Variants in PTK2 observed in about 807,000 individuals in gnomAD.
PTK2 encodes the protein protein tyrosine kinase 2, also known as focal adhesion kinase 1.
Under a neutral mutation model 150.1 loss-of-function variants are expected in PTK2, and 45 were observed. That is an observed-to-expected ratio of 0.30 (90% CI 0.24 to 0.38). The LOEUF is 0.38. Among genes scored for constraint, PTK2 ranks in the 10% least tolerant of loss-of-function variants. The pLI is 1.00. For synonymous variants in PTK2, 432 were observed against 449.2 expected (o/e 0.96, Z 0.48); for missense variants, 919 against 1,307.3 (o/e 0.70, Z 4.58).
Position 140,856,654 on chromosome 8 carries a change from T to C in PTK2, c.450+7658A>G, listed in dbSNP as rs562819870. Among the ~76,000 whole-genome samples the C allele has an allele frequency of 2.0e-5, 3 of 152,294 alleles. No individual in the cohort carries two copies. In the East Asian group the frequency reaches 5.8e-4, roughly 29 times the overall value. ...GCAAGGATTGACTGGGAAGGGTCAG[T>C]GGGAAACTTCCTGGGGTGATGGTCA... On this transcript the variant is annotated intron_variant, in intron 5 of 31. Coordinates refer to ENST00000522684, the Ensembl canonical transcript of PTK2.
intron 1 of PTK2, among the ~76,000 whole-genome samples, chr8:140,944,968 C>T (rs1483535380): frequency 2.6e-5 from 4 of 152,136 alleles, no homozygotes; most frequent in East Asian, 1.9e-4. Flanking sequence ...GCCATATAGA[C>T]GAAAGTTGTG....
intron 4 of PTK2, among the ~76,000 whole-genome samples, chr8:140,878,607 A>C (rs1568032251): frequency 6.6e-6 from 1 of 152,130 alleles, no homozygotes; most frequent in Admixed American, 6.5e-5. Context: ...AAAGAAAAAA[A>C]AAAAATTATT....
At chr8:140,861,733 A>T (rs1352915709) in intron 5 of PTK2, among the ~76,000 whole-genome samples, 2 of 152,212 alleles carry the variant, frequency 1.3e-5, no homozygotes, top group Non-Finnish European at 2.9e-5. Flanking sequence ...AATTAAGCAC[A>T]AAGAGACTCA....
chr8:140,783,062 G>C (rs2100082806), intron 14 of PTK2, among the ~76,000 whole-genome samples: 1 of 151,738 alleles, frequency 6.6e-6, no homozygotes, highest in South Asian at 2.1e-4. Context: ...AACATAGGGA[G>C]ACCCCGTCTC....
chr8:140,773,469 A>G (rs1170696234), intron 14 of PTK2, among the ~76,000 whole-genome samples: 1 of 152,252 alleles, frequency 6.6e-6, no homozygotes, highest in East Asian at 1.9e-4. Flanking sequence ...ACCATTTTAA[A>G]TATGGTGATT....
chr8:140,933,708 A>G (rs1217613180), intron 1 of PTK2, among the ~76,000 whole-genome samples: 4 of 152,200 alleles, frequency 2.6e-5, no homozygotes, highest in African/African-American at 9.6e-5. Flanking sequence ...ATCTATAAGA[A>G]AGTAGGTTAG....
intron 14 of PTK2, among the ~76,000 whole-genome samples, chr8:140,778,525 G>A (rs2100079711): frequency 6.6e-6 from 1 of 152,204 alleles, no homozygotes; most frequent in African/African-American, 2.4e-5. Context: ...ACTTATGGCT[G>A]GCAAATGCTG....
At chr8:140,954,370 G>A (rs1448770628) in intron 1 of PTK2, among the ~76,000 whole-genome samples, 2 of 152,108 alleles carry the variant, frequency 1.3e-5, no homozygotes, top group Non-Finnish European at 2.9e-5. Flanking sequence ...GTGTCCGGCC[G>A]TAACTTAGTA....
At chr8:140,784,958 G>C (rs185330727) in intron 14 of PTK2, among the ~76,000 whole-genome samples, 28 of 152,166 alleles carry the variant, frequency 1.8e-4, no homozygotes, top group Admixed American at 1.1e-3. Flanking sequence ...AAAGTACCTG[G>C]TATCTTCTCT....
chr8:140,836,699 A>G (rs1405255731), intron 7 of PTK2, among the ~76,000 whole-genome samples: 1 of 152,204 alleles, frequency 6.6e-6, no homozygotes, highest in Non-Finnish European at 1.5e-5. Flanking sequence ...TATCCATTCT[A>G]GAAATACCTA....
chr8:140,859,368 G>A (rs1304565170), intron 5 of PTK2, among the ~76,000 whole-genome samples: 1 of 152,050 alleles, frequency 6.6e-6, no homozygotes, highest in African/African-American at 2.4e-5. Context: ...AGGGTCATGG[G>A]TATTCATTTT....
chr8:140,736,876 T>C (rs1315478193), intron 21 of PTK2, among the ~76,000 whole-genome samples: 1 of 152,238 alleles, frequency 6.6e-6, no homozygotes, highest in Non-Finnish European at 1.5e-5. Context: ...AGAAAGGAAC[T>C]GTGACTTTAT....
intron 14 of PTK2, among the ~76,000 whole-genome samples, chr8:140,779,432 G>A (rs1270800980): frequency 6.6e-6 from 1 of 152,022 alleles, no homozygotes; most frequent in Non-Finnish European, 1.5e-5. Context: ...ATGTTTTTGA[G>A]GGAGAGTAGT....
At chr8:140,967,394 G>A (rs1024428362) in intron 1 of PTK2, among the ~76,000 whole-genome samples, 1 of 151,670 alleles carries the variant, frequency 6.6e-6, no homozygotes, top group Admixed American at 6.6e-5. Flanking sequence ...CCCTGGAAAA[G>A]AAAATGTCTG....
intron 4 of PTK2, among the ~76,000 whole-genome samples, chr8:140,878,157 C>G (rs1031085884): frequency 6.6e-6 from 1 of 152,186 alleles, no homozygotes; most frequent in Admixed American, 6.5e-5. Flanking sequence ...AGTTGGAAGT[C>G]AAATCTTCTC....
chr8:140,670,456 CAAAAAAAAAAAAAAAA>C (rs10558474), intron 29 of PTK2, among the ~76,000 whole-genome samples: 3 of 17,834 alleles, frequency 1.7e-4, no homozygotes, highest in Admixed American at 1.1e-3. Context: ...CACTGTGTCT[CAAAAAAAAAAAAAAAA>C]AAAAAAAAAA....
At chr8:140,817,646 A>G (rs562660253) in intron 10 of PTK2, among the ~76,000 whole-genome samples, 1 of 152,310 alleles carries the variant, frequency 6.6e-6, no homozygotes, top group East Asian at 1.9e-4. Context: ...ACTATAAGCT[A>G]CATAAAGACA....
At chr8:140,820,464 G>C (rs1192665950) in intron 8 of PTK2, 7 of 152,684 alleles carry the variant, frequency 4.6e-5, no homozygotes, top group Non-Finnish European at 8.8e-5. Flanking sequence ...AGGAGCAGGA[G>C]AGACCAAGTC....
intron 16 of PTK2, among the ~76,000 whole-genome samples, chr8:140,759,487 TTGTACCAC>T (rs2100067952): frequency 7.0e-6 from 1 of 142,690 alleles, no homozygotes; most frequent in South Asian, 2.2e-4. Context: ...AGAGCCATGA[TTGTACCAC>T]TGTACTCCCT....
Sources: allele counts gnomAD v4.1 joint callset (sites outside exome capture counted in the v4.1 genomes callset), GRCh38; gene constraint gnomAD v4.1.1; transcripts MANE v1.5; gene names NCBI Gene and HGNC (gene_info 2026-07-23, HGNC 2026-07-21).